THADA: variants seen among roughly 807,000 people sequenced by gnomAD.
THADA encodes tRNA (32-2'-O)-methyltransferase regulator THADA.
A neutral mutation model predicts 219.8 loss-of-function variants in THADA; 213 were observed. The observed-to-expected ratio is 0.97, with a 90% confidence interval of 0.87 to 1.09. The LOEUF (loss-of-function observed/expected upper bound fraction) is 1.09. THADA is among the 50% of genes least tolerant of loss of function. The pLI is 0.00. For synonymous variants in THADA, 1,018 were observed against 828.9 expected (o/e 1.23, Z -3.92); for missense variants, 2,956 against 2,311.3 (o/e 1.28, Z -5.72).
chr2:43,448,891 C>A (rs1681942275), intron 26 of THADA, among the ~76,000 whole-genome samples: 1 of 151,878 alleles, frequency 6.6e-6, no homozygotes, highest in African/African-American at 2.4e-5. Flanking sequence ...CTGTTTCCAA[C>A]AACAACAACA....
intron 36 of THADA, among the ~76,000 whole-genome samples, chr2:43,272,306 T>C (rs1051521143): frequency 2.6e-5 from 4 of 151,178 alleles, no homozygotes; most frequent in African/African-American, 4.9e-5. Flanking sequence ...CAAGAGAGAG[T>C]TCTGAGCAGA....
Position 43,292,814 on chromosome 2 carries a change from C to A in THADA, c.4818+20G>T. 3.1e-6 allele frequency: 5 copies of A among 1,602,778 alleles called. No homozygotes were observed. Among genetic ancestry groups the A allele is most frequent in the African/African-American group, 2.7e-5 (2 of 74,954 alleles). ...AATGTGGGGAGTGTAAAGGGCCAGT[C>A]AGTACGTTGGAGACTTTACCTTGCA... On this transcript the variant is annotated intron_variant, in intron 32 of 37. Transcript: ENST00000405975.
At chr2:43,349,752 TAATC>T in intron 29 of THADA, among the ~76,000 whole-genome samples, 3 of 152,208 alleles carry the variant, frequency 2.0e-5, no homozygotes, top group Non-Finnish European at 4.4e-5. Flanking sequence ...AAATGTATCG[TAATC>T]ATTAAAAACC....
At chr2:43,565,074 T>A (rs926786059) in intron 15 of THADA, 2 of 152,198 alleles carry the variant, frequency 1.3e-5, no homozygotes, top group African/African-American at 4.8e-5. Flanking sequence ...ATTTCCTGAA[T>A]TTGATCATTG....
chr2:43,381,020 C>G (rs1286123135), intron 29 of THADA, among the ~76,000 whole-genome samples: 1 of 145,964 alleles, frequency 6.9e-6, no homozygotes, highest in African/African-American at 2.6e-5. Context: ...ATCACTTGAA[C>G]CTGGGAGGCA....
intron 28 of THADA, among the ~76,000 whole-genome samples, chr2:43,423,223 TG>T (rs1338961276): frequency 1.3e-5 from 2 of 152,218 alleles, no homozygotes; most frequent in African/African-American, 4.8e-5. Context: ...TTGATAAGCA[TG>T]CAATCTAGCT....
At chr2:43,320,575 T>C (rs1176395155) in intron 30 of THADA, 35 bp from the exon 31 acceptor site, 1 of 1,533,368 alleles carries the variant, frequency 6.5e-7, no homozygotes, top group South Asian at 1.1e-5. Context: ...AAATTGAGAT[T>C]TTCTCTCCCT....
At chr2:43,594,841 T>C (rs1442302752) in intron 1 of THADA, among the ~76,000 whole-genome samples, 1 of 152,208 alleles carries the variant, frequency 6.6e-6, no homozygotes, top group South Asian at 2.1e-4. Context: ...TGCTGCAACA[T>C]TACCTTCTAA....
At chr2:43,321,999 T>A (rs1678767523) in intron 30 of THADA, among the ~76,000 whole-genome samples, 1 of 152,192 alleles carries the variant, frequency 6.6e-6, no homozygotes, top group Admixed American at 6.5e-5. Context: ...ATTGCCTATA[T>A]CTGGAGCTGG....
intron 36 of THADA, among the ~76,000 whole-genome samples, chr2:43,234,804 C>T (rs1407006613): frequency 6.6e-6 from 1 of 151,850 alleles, no homozygotes. Context: ...AGGCATGTGC[C>T]ACCACACCCA....
chr2:43,555,028 G>C (rs1697177036), intron 17 of THADA, among the ~76,000 whole-genome samples: 1 of 152,020 alleles, frequency 6.6e-6, no homozygotes, highest in South Asian at 2.1e-4. Flanking sequence ...TTCAGGTGTT[G>C]GATTACGGAT....
chr2:43,374,977 T>C (rs2104634447), intron 29 of THADA, among the ~76,000 whole-genome samples: 1 of 152,024 alleles, frequency 6.6e-6, no homozygotes, highest in Middle Eastern at 3.4e-3. Flanking sequence ...TGAAACTCAG[T>C]GTATGACAAA....
intron 29 of THADA, among the ~76,000 whole-genome samples, chr2:43,388,880 C>T (rs549135719): frequency 1.3e-5 from 2 of 151,548 alleles, no homozygotes; most frequent in South Asian, 2.1e-4. Context: ...TTTTCTTTAG[C>T]TCAAGGTCTT....
In THADA at chr2:43,545,264, G is replaced by C. The variant is rs1297976396; in HGVS notation, c.3106+3946C>G. Among the ~76,000 whole-genome samples, 4 of 151,602 alleles carry C rather than the reference G, an allele frequency of 2.6e-5. No homozygotes were observed. In the East Asian group the frequency reaches 7.7e-4, roughly 29 times the overall value. ...GGATAAGCTTTTTAATGTGCTGCTG[G>C]ATTCGGTTTGCCAGTATTTTATTGA... On this transcript the variant is annotated intron_variant, in intron 20 of 37. Transcript: ENST00000405975.
At chr2:43,366,060 G>C (rs1670112612) in intron 29 of THADA, among the ~76,000 whole-genome samples, 1 of 152,200 alleles carries the variant, frequency 6.6e-6, no homozygotes, top group Non-Finnish European at 1.5e-5. Flanking sequence ...AGATACTAAA[G>C]AGACAGTATC....
intron 24 of THADA, among the ~76,000 whole-genome samples, chr2:43,500,339 GT>G (rs1688793089): frequency 6.6e-6 from 1 of 152,120 alleles, no homozygotes; most frequent in South Asian, 2.1e-4. Flanking sequence ...GCACAAATGT[GT>G]TCACTTTGTG....
At chr2:43,326,615 A>T (rs1283016172) in intron 30 of THADA, among the ~76,000 whole-genome samples, 1 of 152,222 alleles carries the variant, frequency 6.6e-6, no homozygotes, top group Non-Finnish European at 1.5e-5. Flanking sequence ...AATGATGTGA[A>T]CTGCCAAGAC....
Position 43,241,290 on chromosome 2 carries a change from C to T in THADA, c.5297-8408G>A, listed in dbSNP as rs551554197. Among the ~76,000 whole-genome samples the T allele has an allele frequency of 7.2e-5, 11 of 151,852 alleles. No individual in the cohort carries two copies. In the East Asian group the frequency reaches 9.9e-4, roughly 14 times the overall value. ...TTTTTTGTAGAGACGGGTTTTGCCA[C>T]GTGGCCCAGGTTGGTCTTAAACTCC... is the stretch of plus-strand genomic sequence containing the variant. On this transcript the variant is annotated intron_variant, in intron 36 of 37. Transcript: ENST00000405975.
chr2:43,474,648 T>C (rs1462780746), intron 26 of THADA, among the ~76,000 whole-genome samples: 1 of 152,154 alleles, frequency 6.6e-6, no homozygotes, highest in Non-Finnish European at 1.5e-5. Context: ...GCTTTGCTTA[T>C]AGGGGGCAAA....
Sources: gnomAD v4.1 joint callset for allele counts (sites outside exome capture counted in the v4.1 genomes callset) on GRCh38, gnomAD v4.1.1 for gene constraint, MANE v1.5 for transcripts, NCBI Gene and HGNC (gene_info 2026-07-23, HGNC 2026-07-21) for gene names.